The following LRRC27 variants were observed in gnomAD, a reference collection of about 807,000 sequenced individuals.
LRRC27 encodes the protein leucine-rich repeat-containing protein 27.
A neutral mutation model predicts 55.0 loss-of-function variants in LRRC27; 57 were observed. That is an observed-to-expected ratio of 1.04 (90% CI 0.84 to 1.29). LRRC27 has a LOEUF of 1.29. LRRC27 is among the 50% of genes most tolerant of loss of function. The pLI is 0.00. For missense variants in LRRC27, 721 were observed against 651.5 expected, an observed-to-expected ratio of 1.11 and a Z score of -1.16; for synonymous variants, 278 against 251.9, an observed-to-expected ratio of 1.10 and a Z score of -0.98.
At chr10:132,331,529 C>G, upstream of LRRC27, 1 of 1,612,966 alleles carries the variant, frequency 6.2e-7, no homozygotes, top group Non-Finnish European at 8.5e-7. Flanking sequence ...GCAGCAAGTC[C>G]TGAGGCAAGA....
At chr10:132,362,286 G>A (rs1006181160) in intron 9 of LRRC27, among the ~76,000 whole-genome samples, 2 of 152,218 alleles carry the variant, frequency 1.3e-5, no homozygotes, top group African/African-American at 2.4e-5. Flanking sequence ...AGAGGATCCT[G>A]GAGTTCAGGA....
At position 132,376,046 on chromosome 10, in the gene LRRC27, G is replaced by T. The variant is rs1241747181; in HGVS notation, c.*804G>T. The T allele has an allele frequency of 2.0e-5, 3 of 152,154 alleles. No individual in the cohort carries two copies. The highest frequency in any genetic ancestry group is 7.2e-5 in the African/African-American group (3 of 41,448). The allele number at this position is 152,154 out of a possible 1,614,324, so 9.4% of individuals were successfully genotyped here. On this transcript the variant is annotated 3_prime_UTR_variant, in exon 11 of 11. Coordinates refer to ENST00000368614, the MANE Select transcript of LRRC27 (RefSeq NM_030626.3). ...GACTATTCAGACTTTGTTTATTTTT[G>T]TGTTAATTTTGGTAAATATGGTTTC...
intron 10 of LRRC27, chr10:132,366,502 G>A (rs2069087466): frequency 6.4e-6 from 1 of 156,948 alleles, no homozygotes; most frequent in Non-Finnish European, 1.4e-5. Context: ...AGGAATGAAG[G>A]AAAGTGCTTT....
chr10:132,362,191 A>AG (rs1164932098), intron 9 of LRRC27, among the ~76,000 whole-genome samples: 1 of 126,826 alleles, frequency 7.9e-6, no homozygotes, highest in Non-Finnish European at 1.6e-5. Flanking sequence ...GTCCCTGGCC[A>AG]GGGGGCGGCC....
chr10:132,330,440 G>A, upstream of LRRC27: 1 of 717,208 alleles, frequency 1.4e-6, no homozygotes, highest in Non-Finnish European at 2.6e-6. Flanking sequence ...CCGGGTGGCT[G>A]GCCTCCCCAC....
At chr10:132,343,544 T>G (rs570371860) in intron 4 of LRRC27, among the ~76,000 whole-genome samples, 2 of 152,354 alleles carry the variant, frequency 1.3e-5, no homozygotes, top group East Asian at 3.9e-4. Context: ...CAGAGTCACT[T>G]GCCACAGGAT....
chr10:132,336,893 CTG>C lies in LRRC27; in HGVS notation c.211-669_211-668del, dbSNP rs1590594693. The C allele has an allele frequency of 4.5e-5, 31 of 691,594 alleles. No individual in the cohort carries two copies. In the East Asian group the frequency reaches 8.1e-4, roughly 18 times the overall value. 42.8% of individuals were successfully genotyped at this position (691,594 alleles called of 1,614,324 possible). ...AAAAATTAGCTATGATCCTTCCACA[CTG>C]TGACTGTAAAATTGTGTGAATGTTA... On this transcript the variant is annotated intron_variant, in intron 2 of 10. Coordinates refer to ENST00000368614, the MANE Select transcript of LRRC27 (RefSeq NM_030626.3).
Position 132,337,626 on chromosome 10 carries a change from C to G in LRRC27, c.272C>G (p.Pro91Arg). ...VIPQDFFQLL[P>R]NLTWLDLRYN... ...CCTCAAGATTTCTTTCAGTTGCTTCCGAACCTGACTTGGCTGGACCTCCGG... is the reference window on the plus strand; with the variant it reads ...CCTCAAGATTTCTTTCAGTTGCTTCGGAACCTGACTTGGCTGGACCTCCGG... The change falls in exon 3 of 11, where the codon CCG becomes CGG. Residue 91 changes from proline to arginine, a missense_variant. Transcript: ENST00000368614. 6.2e-7 allele frequency: 1 copy of G among 1,614,112 alleles called. No individual in the cohort carries two copies. The highest frequency in any genetic ancestry group is 8.5e-7 in the Non-Finnish European group (1 of 1,180,004).
intron 7 of LRRC27, among the ~76,000 whole-genome samples, chr10:132,353,657 C>A (rs1478233564): frequency 6.6e-6 from 1 of 152,196 alleles, no homozygotes; most frequent in Non-Finnish European, 1.5e-5. Context: ...CCGGGCTGCA[C>A]CAGAAAGCCC....
intron 10 of LRRC27, among the ~76,000 whole-genome samples, chr10:132,373,769 C>G (rs1484091114): frequency 6.6e-6 from 1 of 152,172 alleles, no homozygotes; most frequent in Non-Finnish European, 1.5e-5. Flanking sequence ...TGAGAGGAGC[C>G]TGGCGGGGTC....
chr10:132,339,496 C>T (rs989199220), intron 3 of LRRC27, among the ~76,000 whole-genome samples: 8 of 152,292 alleles, frequency 5.3e-5, no homozygotes, highest in South Asian at 2.1e-4. Context: ...GGACCACAGA[C>T]GGACCTGGAG....
rs558491583 is a variant in LRRC27, at chr10:132,342,023, C to T, written c.342-190C>T. On this transcript the variant is annotated intron_variant, in intron 3 of 10. Coordinates refer to ENST00000368614, the MANE Select transcript of LRRC27 (RefSeq NM_030626.3). ...TGGACTGCCTGGTCCCATGTGTCAG[C>T]GGTGCAGGGCTTAGACCTGTGTTTG... Among the ~76,000 whole-genome samples the T allele has an allele frequency of 5.5e-4, 83 of 152,286 alleles. No individual in the cohort carries two copies. In the South Asian group the frequency reaches 0.012, roughly 21 times the overall value.
At chr10:132,331,782 G>C, upstream of LRRC27, 6 of 1,607,842 alleles carry the variant, frequency 3.7e-6, no homozygotes, top group South Asian at 5.5e-5. Context: ...CGCCCCTCCA[G>C]ACCCTCGCGG....
At position 132,333,550 on chromosome 10, in the gene LRRC27, T is replaced by C. The variant is rs748915568; in HGVS notation, c.26T>C (p.Val9Ala). The change falls in exon 2 of 11, where the codon GTT (valine) becomes GCT (alanine). Residue 9 changes from valine to alanine, a missense_variant. Physicochemically the swap from Val to Ala is moderately conservative, Grantham distance 64 (BLOSUM62 0). Coordinates refer to ENST00000368614, the MANE Select transcript of LRRC27 (RefSeq NM_030626.3). ...ATGGAGGGAAGCAGCTCCTACGAAG[T>C]TCCCTCTGTGGCTGCTGCTGATCTG... MEGSSSYE[V>A]PSVAAADLEE... 1 of 1,608,182 alleles carries C rather than the reference T, an allele frequency of 6.2e-7. No homozygotes were observed. Among genetic ancestry groups the C allele is most frequent in the South Asian group, 1.1e-5 (1 of 90,626 alleles).
intron 5 of LRRC27, 96 bp from the exon 6 acceptor site, chr10:132,347,888 C>A: frequency 2.1e-6 from 3 of 1,456,278 alleles, no homozygotes; most frequent in Non-Finnish European, 2.8e-6. Context: ...TCTGGGCACC[C>A]CACCCCCCAC....
At chr10:132,367,907 C>G (rs765547814) in intron 10 of LRRC27, among the ~76,000 whole-genome samples, 2 of 152,098 alleles carry the variant, frequency 1.3e-5, no homozygotes, top group African/African-American at 2.4e-5. Context: ...GATTGGGAAA[C>G]AAGAAATAAA....
At chr10:132,340,262 C>T (rs939357960) in intron 3 of LRRC27, among the ~76,000 whole-genome samples, 3 of 152,136 alleles carry the variant, frequency 2.0e-5, no homozygotes, top group Non-Finnish European at 4.4e-5. Flanking sequence ...ATCAATTTAT[C>T]GTTTAAAGTG....
At position 132,374,932 on chromosome 10, in the gene LRRC27, G is replaced by A; in HGVS notation, c.1417-134G>A. ...CCGCGCCGTGATGCGGCTTGCAGGG[G>A]CCCCGGGGCAGCGGGGCTGGCTCTG... On this transcript the variant is annotated intron_variant, in intron 10 of 10. Transcript: ENST00000368614. The surrounding 1 kb of genome is among the most constrained non-coding windows in gnomAD (Gnocchi z 4.4). 1 of 953,686 alleles carries A rather than the reference G, an allele frequency of 1.0e-6. No individual in the cohort carries two copies. 59.1% of individuals were successfully genotyped at this position (953,686 alleles called of 1,614,324 possible).
intron 10 of LRRC27, among the ~76,000 whole-genome samples, chr10:132,365,880 C>T (rs2069055750): frequency 6.6e-6 from 1 of 152,236 alleles, no homozygotes; most frequent in African/African-American, 2.4e-5. Context: ...CCACTGTGCA[C>T]AGCCTAAAAC....
Sources: gnomAD v4.1 joint callset for allele counts (sites outside exome capture counted in the v4.1 genomes callset) on GRCh38, gnomAD v4.1.1 for gene constraint, Gnocchi (gnomAD v3.1) non-coding constraint, MANE v1.5 for transcripts, NCBI Gene and HGNC (gene_info 2026-07-23, HGNC 2026-07-21) for gene names.